Variants in PARP8 observed in about 807,000 individuals in gnomAD.
PARP8 encodes poly(ADP-ribose) polymerase family member 8, also known as protein mono-ADP-ribosyltransferase PARP8.
In PARP8, 51 loss-of-function variants were observed where a neutral mutation model predicts 124.1. The ratio of observed to expected loss-of-function variants is 0.41; its 90% CI spans 0.33 to 0.52. PARP8 has a LOEUF of 0.52. Ranked by LOEUF, PARP8 falls within the 20% of genes least tolerant of loss-of-function variation. PARP8 has a pLI of 0.21. For synonymous variants in PARP8, 391 were observed against 361.5 expected (o/e 1.08, Z -0.93); for missense variants, 860 against 1,018.9 (o/e 0.84, Z 2.12).
intron 2 of PARP8, among the ~76,000 whole-genome samples, chr5:50,743,060 T>A (rs1402969310): frequency 6.6e-6 from 1 of 151,958 alleles, no homozygotes; most frequent in Non-Finnish European, 1.5e-5. Context: ...AAGTGGGACA[T>A]GGGGGTTTGA....
intron 2 of PARP8, among the ~76,000 whole-genome samples, chr5:50,681,589 CCA>C (rs1247517633): frequency 2.6e-5 from 4 of 152,082 alleles, no homozygotes; most frequent in Non-Finnish European, 5.9e-5. Context: ...AAATGTAATT[CCA>C]GTTTCAACTA....
At chr5:50,673,850 A>T (rs1364278417) in intron 2 of PARP8, among the ~76,000 whole-genome samples, 1 of 152,234 alleles carries the variant, frequency 6.6e-6, no homozygotes, top group East Asian at 1.9e-4. Flanking sequence ...TCTCTGCAGC[A>T]TTTTTAAAAA....
chr5:50,728,583 AT>A lies in PARP8; in HGVS notation c.147-21556del, dbSNP rs1240083486. On this transcript the variant is annotated intron_variant, in intron 2 of 25. Transcript: ENST00000281631. ...CTCAGTTCCTAAAGAACTACACAGA[AT>A]TTTTTTTTTTTGGCACCCAAATAAG... Among the ~76,000 whole-genome samples, 192 of 145,946 alleles carry A rather than the reference AT, an allele frequency of 1.3e-3. 1 individual carries two copies. The highest frequency in any genetic ancestry group is 3.7e-3 in the Middle Eastern group (1 of 272).
At chr5:50,712,922 G>A (rs536047343) in intron 2 of PARP8, among the ~76,000 whole-genome samples, 1 of 151,248 alleles carries the variant, frequency 6.6e-6, no homozygotes, top group South Asian at 2.1e-4. Context: ...TTATGTTAGT[G>A]GCATGAGGTA....
intron 2 of PARP8, among the ~76,000 whole-genome samples, chr5:50,704,879 G>T (rs1753975514): frequency 3.3e-5 from 5 of 152,180 alleles, no homozygotes; most frequent in Admixed American, 3.3e-4. Flanking sequence ...TGGAAGCCTG[G>T]ATTCGTTGAT....
intron 2 of PARP8, among the ~76,000 whole-genome samples, chr5:50,673,279 A>T (rs1750243857): frequency 6.6e-6 from 1 of 152,122 alleles, no homozygotes; most frequent in African/African-American, 2.4e-5. Context: ...ACTCTTTTTG[A>T]AAACAGTTTC....
intron 2 of PARP8, among the ~76,000 whole-genome samples, chr5:50,693,385 T>A (rs1024794960): frequency 2.6e-5 from 4 of 152,198 alleles, no homozygotes; most frequent in African/African-American, 7.2e-5. Context: ...CAGGTGTTGC[T>A]GATTGTGTCC....
At chr5:50,813,888 A>C (rs1432887439) in intron 14 of PARP8, among the ~76,000 whole-genome samples, 1 of 152,136 alleles carries the variant, frequency 6.6e-6, no homozygotes, top group Non-Finnish European at 1.5e-5. Context: ...AAGTAAGCAT[A>C]GTTCAAGGTT....
Position 50,754,869 on chromosome 5 carries a change from C to T in PARP8, c.184+4681C>T, listed in dbSNP as rs369752479. Among the ~76,000 whole-genome samples, 330 of 152,160 alleles carry T rather than the reference C, an allele frequency of 2.2e-3. 2 individuals carry two copies. The highest frequency in any genetic ancestry group is 3.0e-3 in the Non-Finnish European group (203 of 67,992). Reference sequence around the variant, plus strand: ...TGTTGTTTCCTGACTTTTTAATGATCGCCATTCTAAGTGGTGTGAGATGGT... The same window carrying T: ...TGTTGTTTCCTGACTTTTTAATGATTGCCATTCTAAGTGGTGTGAGATGGT... On this transcript the variant is annotated intron_variant, in intron 3 of 25. Transcript: ENST00000281631.
Position 50,666,851 on chromosome 5 carries a change from A to C in PARP8, c.-245A>C, listed in dbSNP as rs376847175. The C allele has an allele frequency of 2.3e-3, 3,117 of 1,356,792 alleles. 27 individuals carry two copies. Among genetic ancestry groups the C allele is most frequent in the Middle Eastern group, 0.017 (58 of 3,492 alleles). The allele number at this position is 1,356,792 out of a possible 1,614,324, so 84.0% of individuals were successfully genotyped here. On this transcript the variant is annotated 5_prime_UTR_variant, in exon 1 of 26. Transcript: ENST00000281631. ...GAAGGGGAGGAAATTGGAATCCAGCAGCGGCGAGCAGCAGCTGGGCGGTCA... is the reference window on the plus strand; with the variant it reads ...GAAGGGGAGGAAATTGGAATCCAGCCGCGGCGAGCAGCAGCTGGGCGGTCA...
intron 14 of PARP8, among the ~76,000 whole-genome samples, chr5:50,804,155 C>T (rs911947290): frequency 1.3e-5 from 2 of 152,134 alleles, no homozygotes; most frequent in African/African-American, 2.4e-5. Context: ...TTTGATTATT[C>T]TGTTGTTTGC....
intron 2 of PARP8, among the ~76,000 whole-genome samples, chr5:50,686,383 G>A (rs1381540170): frequency 2.6e-5 from 4 of 152,212 alleles, no homozygotes; most frequent in Non-Finnish European, 5.9e-5. Flanking sequence ...CTCCACCCCT[G>A]TGACTTTGTA....
chr5:50,814,887 C>A (rs992992110), intron 14 of PARP8, among the ~76,000 whole-genome samples: 23 of 152,142 alleles, frequency 1.5e-4, no homozygotes, highest in African/African-American at 4.1e-4. Flanking sequence ...CTGTTGACTT[C>A]ATGAGGTTAT....
At chr5:50,761,792 A>G in intron 5 of PARP8, 29 bp from the exon 6 acceptor site, 1 of 1,396,162 alleles carries the variant, frequency 7.2e-7, no homozygotes, top group Admixed American at 2.0e-5. Context: ...TTTGACCATT[A>G]AATTGTTTTC....
chr5:50,750,090 T>G, intron 2 of PARP8, 61 bp from the exon 3 acceptor site: 1 of 1,338,954 alleles, frequency 7.5e-7, no homozygotes, highest in Non-Finnish European at 1.1e-6. Flanking sequence ...TGTCTTTTTT[T>G]TATAAAAGCC....
chr5:50,764,585 T>C (rs773526072), intron 7 of PARP8, among the ~76,000 whole-genome samples: 2 of 152,212 alleles, frequency 1.3e-5, no homozygotes, highest in Non-Finnish European at 2.9e-5. Context: ...TTCATGAAGG[T>C]ATATTAGGCT....
intron 3 of PARP8, among the ~76,000 whole-genome samples, chr5:50,752,068 T>C (rs1759319132): frequency 6.6e-5 from 10 of 152,096 alleles, no homozygotes; most frequent in Admixed American, 6.6e-4. Flanking sequence ...GTGAGCATGC[T>C]TCCAGTTGTT....
intron 2 of PARP8, among the ~76,000 whole-genome samples, chr5:50,683,622 G>A (rs1024171246): frequency 1.4e-5 from 1 of 72,378 alleles, no homozygotes; most frequent in Admixed American, 1.5e-4. Flanking sequence ...TATTTTCACA[G>A]TGTGTAGTTA....
At chr5:50,704,175 C>G (rs1753886168) in intron 2 of PARP8, among the ~76,000 whole-genome samples, 1 of 151,948 alleles carries the variant, frequency 6.6e-6, no homozygotes, top group African/African-American at 2.4e-5. Flanking sequence ...GCTTCCTTTA[C>G]CCTTTGAAAC....
Sources: gnomAD v4.1 joint callset for allele counts (sites outside exome capture counted in the v4.1 genomes callset) on GRCh38, gnomAD v4.1.1 for gene constraint, MANE v1.5 for transcripts, NCBI Gene and HGNC (gene_info 2026-07-23, HGNC 2026-07-21) for gene names.